Variants in LY6G5B observed in about 807,000 individuals in gnomAD.
LY6G5B encodes lymphocyte antigen 6 family member G5B, also known as lymphocyte antigen 6 complex locus protein G5b.
Under a neutral mutation model 6.7 loss-of-function variants are expected in LY6G5B, and 6 were observed. That is an observed-to-expected ratio of 0.89 (90% CI 0.49 to 1.76). The LOEUF (loss-of-function observed/expected upper bound fraction) is 1.76, where lower values mean the gene tolerates loss of function less well. Among genes scored for constraint, LY6G5B ranks in the 40% most tolerant of loss-of-function variants. LY6G5B has a pLI of 0.01. For missense variants in LY6G5B, 240 were observed against 249.5 expected, an observed-to-expected ratio of 0.96 and a Z score of 0.26; for synonymous variants, 98 against 99.4, an observed-to-expected ratio of 0.99 and a Z score of 0.09.
At chr6:31,672,788 G>A (rs140871885) in exon 3 of LY6G5B, 1 of 157,702 alleles carries the variant, frequency 6.3e-6, no homozygotes, top group African/African-American at 2.4e-5. Context: ...TCTCTAGTGT[G>A]GATTCTGCCC....
At chr6:31,672,107 T>C in exon 3 of LY6G5B, 1 of 1,613,138 alleles carries the variant, frequency 6.2e-7, no homozygotes. Flanking sequence ...AACCTCTCCC[T>C]GCCCCTCCCC....
chr6:31,670,141 C>A, upstream of LY6G5B: 1 of 537,404 alleles, frequency 1.9e-6, no homozygotes, highest in Non-Finnish European at 3.2e-6. Flanking sequence ...GCCCTCATGG[C>A]CCAGCCCACC....
At chr6:31,672,078 G>A (rs1424332798) in exon 3 of LY6G5B, 2 of 1,613,092 alleles carry the variant, frequency 1.2e-6, no homozygotes, top group Admixed American at 1.7e-5. Flanking sequence ...CCCAGATTCA[G>A]TGGTTCTACC....
At position 31,670,212 on chromosome 6, in the gene LY6G5B, TG is replaced by T. The variant is rs562491986; in HGVS notation, c.-737del. 2.5e-4 allele frequency: 119 copies of T among 469,714 alleles called. No individual in the cohort carries two copies. The highest frequency in any genetic ancestry group is 2.2e-3 in the African/African-American group (111 of 51,052). The allele number at this position is 469,714 out of a possible 1,614,324, so 29.1% of individuals were successfully genotyped here. On this transcript the variant is annotated 5_prime_UTR_variant, in exon 1 of 3. An upstream open reading frame in the 5' UTR gains an earlier in-frame stop. Transcript: ENST00000375864. The stretch of plus-strand genomic sequence containing the variant: ...AGTGGATTGGGTGGTGTTTTTAGTA[TG>T]GAGCAGAACAGAATTCCTAGGACTG...
chr6:31,671,387 G>C, intron 2 of LY6G5B, 103 bp downstream of exon 2: 1 of 1,542,110 alleles, frequency 6.5e-7, no homozygotes, highest in Non-Finnish European at 8.8e-7. Flanking sequence ...TACAAGAAGA[G>C]AGGAGGGGCT....
chr6:31,671,470 G>A (rs1802212364), intron 2 of LY6G5B, among the ~76,000 whole-genome samples, 186 bp downstream of exon 2: 1 of 152,160 alleles, frequency 6.6e-6, no homozygotes, highest in Non-Finnish European at 1.5e-5. Flanking sequence ...AAGCTCTAGA[G>A]TTCAAGACCA....
chr6:31,670,955 A>G (rs1486930903), exon 1 of LY6G5B: 1 of 1,604,598 alleles, frequency 6.2e-7, no homozygotes, highest in Non-Finnish European at 8.5e-7. Flanking sequence ...TCCAAAATGA[A>G]GGTCCATATG....
exon 3 of LY6G5B, chr6:31,672,067 T>C (rs1275682516): frequency 2.5e-6 from 4 of 1,612,928 alleles, no homozygotes; most frequent in Non-Finnish European, 3.4e-6. Flanking sequence ...TCTGTCTGAC[T>C]CCCAGATTCA....
exon 1 of LY6G5B, chr6:31,670,999 G>C (rs1400645568): frequency 1.2e-6 from 2 of 1,612,580 alleles, no homozygotes; most frequent in Non-Finnish European, 1.7e-6. Flanking sequence ...GGGCTTCACA[G>C]TAGGAAAGGG....
Position 31,672,292 on chromosome 6 carries a change from T to C in LY6G5B, c.*10T>C, listed in dbSNP as rs372442055. On this transcript the variant is annotated 3_prime_UTR_variant, in exon 3 of 3. Coordinates refer to ENST00000375864, the Ensembl canonical transcript of LY6G5B. ...ACCTCACCCTTCCTGAATTCCACAGTGCAAATATCTTTCTGTAACACCCTC... is the reference window on the plus strand; with the variant it reads ...ACCTCACCCTTCCTGAATTCCACAGCGCAAATATCTTTCTGTAACACCCTC... 5.0e-6 allele frequency: 8 copies of C among 1,604,414 alleles called. No individual in the cohort carries two copies. The Admixed American group carries it at 6.7e-5, about 13-fold the overall frequency.
At chr6:31,672,227 G>A (rs763307218) in exon 3 of LY6G5B, 1 of 1,613,116 alleles carries the variant, frequency 6.2e-7, no homozygotes, top group Non-Finnish European at 8.5e-7. Flanking sequence ...TTCCTCAATA[G>A]TTCAGGACTT....
chr6:31,672,301 C>A, exon 3 of LY6G5B: 1 of 1,600,220 alleles, frequency 6.2e-7, no homozygotes, highest in Non-Finnish European at 8.5e-7. Context: ...GTGCAAATAT[C>A]TTTCTGTAAC....
upstream of LY6G5B, chr6:31,670,029 T>A: frequency 1.1e-6 from 1 of 934,348 alleles, no homozygotes; most frequent in Non-Finnish European, 1.6e-6. Flanking sequence ...GGAGTCGTTA[T>A]CGTGGTGGGA....
chr6:31,670,898 G>T, exon 1 of LY6G5B: 1 of 1,540,190 alleles, frequency 6.5e-7, no homozygotes, highest in Non-Finnish European at 8.8e-7. Flanking sequence ...TCACAGGAAG[G>T]TGGGGTTTCA....
exon 3 of LY6G5B, chr6:31,672,155 C>T: frequency 6.2e-7 from 1 of 1,613,124 alleles, no homozygotes; most frequent in South Asian, 1.1e-5. Context: ...GGCCTGGACC[C>T]CATGGTCACA....
At chr6:31,672,061 T>A (rs1802269505) in exon 3 of LY6G5B, 1 of 1,612,960 alleles carries the variant, frequency 6.2e-7, no homozygotes, top group African/African-American at 1.3e-5. Context: ...CCTGCCTCTG[T>A]CTGACTCCCA....
In LY6G5B at chr6:31,671,939, A is replaced by G; in HGVS notation, c.263A>G (p.Tyr88Cys). 6 of 1,613,032 alleles carry G rather than the reference A, an allele frequency of 3.7e-6. No individual in the cohort carries two copies. In the Middle Eastern group the frequency reaches 6.6e-4, roughly 177 times the overall value. Residue 88 changes from tyrosine (Y) to cysteine (C), a missense_variant, in exon 3 of 3, where the codon TAC becomes TGC. Transcript: ENST00000375864. ...CGCTGCCAAGAAAAACGCAACACCT[A>G]CTTTGCAGAGTACTGGTATCAGGCC...
At chr6:31,672,201 G>A in exon 3 of LY6G5B, 1 of 1,613,098 alleles carries the variant, frequency 6.2e-7, no homozygotes, top group Non-Finnish European at 8.5e-7. Flanking sequence ...TTGCTGAGCT[G>A]CGCCGCATGT....
exon 1 of LY6G5B, chr6:31,670,288 G>C (rs939794829): frequency 3.8e-6 from 1 of 260,018 alleles, no homozygotes; most frequent in Non-Finnish European, 7.3e-6. Flanking sequence ...ATATTTCAAA[G>C]ATGAGAAATA....
Sources: allele counts gnomAD v4.1 joint callset (sites outside exome capture counted in the v4.1 genomes callset), GRCh38; gene constraint gnomAD v4.1.1; transcripts MANE v1.5; gene names NCBI Gene and HGNC (gene_info 2026-07-23, HGNC 2026-07-21).